The following PPP6C variants were observed in gnomAD, a reference collection of about 807,000 sequenced individuals.
PPP6C encodes serine/threonine-protein phosphatase 6 catalytic subunit.
Under a neutral mutation model 39.8 loss-of-function variants are expected in PPP6C, and 11 were observed. The observed-to-expected ratio is 0.28, with a 90% CI of 0.17 to 0.46. PPP6C has a LOEUF of 0.46. Among genes scored for constraint, PPP6C ranks in the 20% least tolerant of loss-of-function variants. The pLI, the probability that PPP6C is intolerant of heterozygous loss-of-function variation, is 1.00. For missense variants in PPP6C, 211 were observed against 373.9 expected (o/e 0.56, Z 3.59); for synonymous variants, 129 against 130.3 (o/e 0.99, Z 0.07).
chr9:125,171,222 TTAAAAC>T, intron 1 of PPP6C, 42 bp from the exon 2 acceptor site: 1 of 1,420,688 alleles, frequency 7.0e-7, no homozygotes, highest in South Asian at 1.3e-5. Context: ...TACTACAACA[TTAAAAC>T]TAAAGATAAA....
rs1232255730 is a variant in PPP6C, at chr9:125,148,625, A to T, written c.*1048T>A. On this transcript the variant is annotated 3_prime_UTR_variant, in exon 7 of 7. Coordinates refer to ENST00000373547, the MANE Select transcript of PPP6C (RefSeq NM_002721.5). ...AAAAATGAACACTTTCTAAAAGTTA[A>T]GGTCAAGTGTTACAGCAAGAGAAGA... The T allele has an allele frequency of 6.6e-6, 1 of 152,226 alleles. No individual in the cohort carries two copies. Among genetic ancestry groups the T allele is most frequent in the Non-Finnish European group, 1.5e-5 (1 of 68,024 alleles). 9.4% of individuals were successfully genotyped at this position (152,226 alleles called of 1,614,324 possible).
At chr9:125,185,516 A>C (rs1399526800) in intron 1 of PPP6C, among the ~76,000 whole-genome samples, 3 of 151,778 alleles carry the variant, frequency 2.0e-5, no homozygotes, top group Non-Finnish European at 4.4e-5. Context: ...CAACATGGTG[A>C]AACCCCATCT....
At chr9:125,181,984 T>C (rs1829430720) in intron 1 of PPP6C, among the ~76,000 whole-genome samples, 1 of 152,256 alleles carries the variant, frequency 6.6e-6, no homozygotes, top group Admixed American at 6.5e-5. Flanking sequence ...AACTTTTTAA[T>C]GATTGCCATT....
rs1027308648 is a variant in PPP6C, at chr9:125,147,253, T to A, written c.*2420A>T. On this transcript the variant is annotated 3_prime_UTR_variant, in exon 7 of 7. Coordinates refer to ENST00000373547, the MANE Select transcript of PPP6C (RefSeq NM_002721.5). ...TCTCACTAGAGCCTAGGGCACTTTA[T>A]TAGAAACCAAGTATATCATAGGCAA... 6.6e-6 allele frequency: 1 copy of A among 152,166 alleles called. No homozygotes were observed. Among genetic ancestry groups the A allele is most frequent in the African/African-American group, 2.4e-5 (1 of 41,432 alleles). 9.4% of individuals were successfully genotyped at this position (152,166 alleles called of 1,614,324 possible). A position where few individuals can be genotyped will look rare whatever the true frequency, so the allele number is the denominator to read the frequency against.
intron 1 of PPP6C, among the ~76,000 whole-genome samples, chr9:125,178,193 G>A (rs1215261984): frequency 6.6e-6 from 1 of 152,172 alleles, no homozygotes; most frequent in East Asian, 1.9e-4. Flanking sequence ...TGGATTATAT[G>A]AAGAGTTTGT....
chr9:125,159,276 T>G (rs1828799323), intron 3 of PPP6C, among the ~76,000 whole-genome samples: 1 of 150,966 alleles, frequency 6.6e-6, no homozygotes, highest in Admixed American at 6.6e-5. Flanking sequence ...CTCAAACTCC[T>G]GACCTCAGGT....
At chr9:125,151,347 CAGCTG>C in intron 6 of PPP6C, 2 of 1,329,056 alleles carry the variant, frequency 1.5e-6, no homozygotes, top group Non-Finnish European at 2.2e-6. Context: ...AAACTTCTCT[CAGCTG>C]GAGTCACCAA....
chr9:125,153,415 C>T lies in PPP6C; in HGVS notation c.669+118G>A. 7 of 918,258 alleles carry T rather than the reference C, an allele frequency of 7.6e-6. No individual in the cohort carries two copies. In the South Asian group the frequency reaches 1.2e-4, roughly 16 times the overall value. The allele number at this position is 918,258 out of a possible 1,614,324, so 56.9% of individuals were successfully genotyped here. ...AATAACTAAACTAGAAATTTAATATCCACAGCCACCATATTTTGAGTAAGC... is the reference window on the plus strand; with the variant it reads ...AATAACTAAACTAGAAATTTAATATTCACAGCCACCATATTTTGAGTAAGC... On this transcript the variant is annotated intron_variant, in intron 6 of 6. Transcript: ENST00000373547.
At chr9:125,189,517 C>A in intron 1 of PPP6C, 127 bp downstream of exon 1, 1 of 1,490,074 alleles carries the variant, frequency 6.7e-7, no homozygotes, top group Non-Finnish European at 8.9e-7. Context: ...AGGACCGGGT[C>A]GACTGGCAAT....
Position 125,171,197 on chromosome 9 carries a change from TA to T in PPP6C, c.76-18del. 1 of 1,505,296 alleles carries T rather than the reference TA, an allele frequency of 6.6e-7. No individual in the cohort carries two copies. Among genetic ancestry groups the T allele is most frequent in the Admixed American group, 2.0e-5 (1 of 49,086 alleles). The allele number at this position is 1,505,296 out of a possible 1,614,324, so 93.2% of individuals were successfully genotyped here. ...ACATAGCCGCTATAAAAAGAGAAAA[TA>T]AAAGGTAAACATTTACTACAACATT... On this transcript the variant is annotated intron_variant, in intron 1 of 6. Coordinates refer to ENST00000373547, the MANE Select transcript of PPP6C (RefSeq NM_002721.5).
intron 1 of PPP6C, 140 bp downstream of exon 1, chr9:125,189,504 G>T (rs1829614276): frequency 2.7e-6 from 4 of 1,473,820 alleles, no homozygotes; most frequent in Non-Finnish European, 3.6e-6. Context: ...CGTGACGCCG[G>T]GTAGGACCGG....
chr9:125,187,959 A>G (rs1286840580), intron 1 of PPP6C, among the ~76,000 whole-genome samples: 1 of 152,102 alleles, frequency 6.6e-6, no homozygotes, highest in East Asian at 1.9e-4. Flanking sequence ...ACAGGTAAGT[A>G]CAATTCAGTC....
chr9:125,160,820 A>G (rs773547800), intron 3 of PPP6C, 21 bp downstream of exon 3: 72 of 1,507,566 alleles, frequency 4.8e-5, no homozygotes, highest in Non-Finnish European at 6.1e-5. Flanking sequence ...CAAGCACTTG[A>G]TATCACTGGT....
chr9:125,167,379 C>CAAAAAAAAAAAAAAAAAAAA (rs758123351), intron 2 of PPP6C, among the ~76,000 whole-genome samples: 8 of 56,096 alleles, frequency 1.4e-4, no homozygotes, highest in African/African-American at 5.3e-4. Context: ...AGACCCTGTC[C>CAAAAAAAAAAAAAAAAAAAA]AAAAAAAAAA....
chr9:125,188,790 A>AAATAATAATAATAATAATAAT, intron 1 of PPP6C: 1 of 181,826 alleles, frequency 5.5e-6, no homozygotes, highest in South Asian at 1.9e-4. Flanking sequence ...TCTCAGTTAA[A>AAATAATAATAATAATAATAAT]AACAATAATA....
intron 1 of PPP6C, among the ~76,000 whole-genome samples, chr9:125,174,160 A>G (rs895614474): frequency 1.3e-5 from 2 of 152,190 alleles, no homozygotes; most frequent in Non-Finnish European, 2.9e-5. Flanking sequence ...AGGTCTGCCA[A>G]GAAAGGAGAA....
At chr9:125,173,470 C>A (rs1430009572) in intron 1 of PPP6C, among the ~76,000 whole-genome samples, 1 of 148,858 alleles carries the variant, frequency 6.7e-6, no homozygotes, top group South Asian at 2.1e-4. Context: ...CCCAGCTACT[C>A]GGGAGGATGA....
chr9:125,166,652 G>A (rs1366209672), intron 2 of PPP6C, among the ~76,000 whole-genome samples: 1 of 148,972 alleles, frequency 6.7e-6, no homozygotes, highest in Admixed American at 6.8e-5. Flanking sequence ...CCCTGCCTTA[G>A]TCCCTGAGTA....
chr9:125,174,307 A>G (rs1829247871), intron 1 of PPP6C, among the ~76,000 whole-genome samples: 1 of 152,152 alleles, frequency 6.6e-6, no homozygotes, highest in Non-Finnish European at 1.5e-5. Flanking sequence ...ACAGAACTCA[A>G]TGGGAGTGGG....
Sources: gnomAD v4.1 joint callset for allele counts (sites outside exome capture counted in the v4.1 genomes callset) on GRCh38, gnomAD v4.1.1 for gene constraint, MANE v1.5 for transcripts, NCBI Gene and HGNC (gene_info 2026-07-23, HGNC 2026-07-21) for gene names.